The following RAB40C variants were observed in gnomAD, a reference collection of about 807,000 sequenced individuals.
The protein encoded by RAB40C is ras-related protein Rab-40C.
RAB40C carries 8 observed loss-of-function variants against 28.1 expected under a neutral mutation model. The observed-to-expected ratio is 0.28, with a 90% confidence interval of 0.17 to 0.51. The LOEUF is 0.51. Ranked by LOEUF, RAB40C falls within the 20% of genes least tolerant of loss-of-function variation. RAB40C has a pLI of 0.97. For synonymous variants in RAB40C, 201 were observed against 171.7 expected (o/e 1.17, Z -1.34); for missense variants, 288 against 405.9 (o/e 0.71, Z 2.50).
chr16:597,557 C>T (rs1025125914), intron 1 of RAB40C, among the ~76,000 whole-genome samples: 3 of 151,034 alleles, frequency 2.0e-5, no homozygotes, highest in Admixed American at 6.6e-5. Context: ...TATCTTGGCT[C>T]GCTGCAACCT....
chr16:627,953 T>A lies in RAB40C; in HGVS notation c.*331T>A. The A allele has an allele frequency of 3.6e-6, 1 of 280,678 alleles. No individual in the cohort carries two copies. Among genetic ancestry groups the A allele is most frequent in the Non-Finnish European group, 6.6e-6 (1 of 151,002 alleles). The allele number at this position is 280,678 out of a possible 1,614,324, so 17.4% of individuals were successfully genotyped here. ...GAGAACACTTCACTTTTTTGTACAT[T>A]TTTAAGGGGCCTTCAGGGAAGCCTG... On this transcript the variant is annotated 3_prime_UTR_variant, in exon 6 of 6. Transcript: ENST00000248139.
chr16:596,951 G>A (rs2036139904), intron 1 of RAB40C, among the ~76,000 whole-genome samples: 1 of 152,222 alleles, frequency 6.6e-6, no homozygotes, highest in Non-Finnish European at 1.5e-5. Context: ...TCAGGATTTT[G>A]AGTAAAGCAG....
intron 1 of RAB40C, among the ~76,000 whole-genome samples, chr16:613,421 C>T (rs1286023024): frequency 3.9e-5 from 6 of 152,238 alleles, no homozygotes; most frequent in South Asian, 2.1e-4. Context: ...GCAGGACTGC[C>T]GCCCTGGCCG....
intron 1 of RAB40C, among the ~76,000 whole-genome samples, chr16:602,163 C>T (rs1300932504): frequency 6.6e-6 from 1 of 150,912 alleles, no homozygotes; most frequent in Non-Finnish European, 1.5e-5. Flanking sequence ...AATGATTATT[C>T]AATGAAGTGT....
intron 1 of RAB40C, among the ~76,000 whole-genome samples, chr16:607,804 A>G (rs1207926881): frequency 1.3e-5 from 2 of 152,220 alleles, no homozygotes; most frequent in Non-Finnish European, 2.9e-5. Flanking sequence ...AACGAAAAGA[A>G]AAGAAAAGAA....
chr16:600,575 A>T (rs1567185568), intron 1 of RAB40C, among the ~76,000 whole-genome samples: 1 of 152,004 alleles, frequency 6.6e-6, no homozygotes, highest in Non-Finnish European at 1.5e-5. Flanking sequence ...ACATGGTGAA[A>T]CCCCGTCTCT....
In RAB40C at chr16:614,579, C is replaced by T. The variant is rs553394416; in HGVS notation, c.143-2629C>T. On this transcript the variant is annotated intron_variant, in intron 1 of 5. Transcript: ENST00000248139. Reference sequence around the variant, plus strand: ...CCGATGGTGAACTGCCTAACTCTACCGCATCCCGATGGTGAACTGCCTAAC... The same window carrying T: ...CCGATGGTGAACTGCCTAACTCTACTGCATCCCGATGGTGAACTGCCTAAC... 3.3e-4 allele frequency among the ~76,000 whole-genome samples: 44 copies of T among 134,432 alleles called. No individual in the cohort carries two copies. The East Asian group carries it at 7.0e-3, about 22-fold the overall frequency. 88.2% of individuals were successfully genotyped at this position (134,432 alleles called of 152,430 possible). A position where few individuals can be genotyped will look rare whatever the true frequency, so the allele number is the denominator to read the frequency against.
At chr16:596,357 G>T in intron 1 of RAB40C, 1 of 456,074 alleles carries the variant, frequency 2.2e-6, no homozygotes, top group Non-Finnish European at 4.4e-6. Context: ...TCCCTGAAAA[G>T]CTGCCGCCTA....
At chr16:609,311 G>C (rs569383095) in intron 1 of RAB40C, among the ~76,000 whole-genome samples, 1 of 152,052 alleles carries the variant, frequency 6.6e-6, no homozygotes, top group Non-Finnish European at 1.5e-5. Flanking sequence ...AAATTGAGTC[G>C]TGGACAGCAG....
rs1032931387 is a variant in RAB40C at position 623,935 on chromosome 16, C to CA, written c.265-1488dup. 1.6e-3 allele frequency: 1,550 copies of CA among 971,046 alleles called. 3 individuals are homozygous for CA. The highest frequency in any genetic ancestry group is 1.8e-3 in the Non-Finnish European group (1,482 of 817,720). 60.2% of individuals were successfully genotyped at this position (971,046 alleles called of 1,614,324 possible). Reference sequence around the variant, plus strand: ...TGGCTGACAGAGTGAGACCCTGTTTCAAAAAAAAAGAAAATGCCATCCGCA... The same window carrying CA: ...TGGCTGACAGAGTGAGACCCTGTTTCAAAAAAAAAAGAAAATGCCATCCGCA... On this transcript the variant is annotated intron_variant, in intron 3 of 5. Transcript: ENST00000248139.
intron 1 of RAB40C, among the ~76,000 whole-genome samples, chr16:602,398 G>C (rs2036271869): frequency 6.6e-6 from 1 of 151,728 alleles, no homozygotes; most frequent in African/African-American, 2.4e-5. Context: ...AAGACCATAG[G>C]CATGCACCAC....
At chr16:590,061 GT>G, upstream of RAB40C, 1 of 153,668 alleles carries the variant, frequency 6.5e-6, no homozygotes, top group African/African-American at 2.4e-5. Flanking sequence ...GCGGCCGGGG[GT>G]GGGGCGGCGC....
At chr16:624,317 A>C (rs1052280975) in intron 3 of RAB40C, 1 of 985,292 alleles carries the variant, frequency 1.0e-6, no homozygotes, top group Non-Finnish European at 1.2e-6. Context: ...CTGTGCCCCA[A>C]CCTCCAGGGT....
At chr16:606,953 C>T (rs2036372357) in intron 1 of RAB40C, among the ~76,000 whole-genome samples, 1 of 152,334 alleles carries the variant, frequency 6.6e-6, no homozygotes, top group East Asian at 1.9e-4. Context: ...CTGCACTGTG[C>T]CCTGCAGGAA....
intron 1 of RAB40C, among the ~76,000 whole-genome samples, chr16:604,187 T>A (rs1161626475): frequency 3.9e-5 from 6 of 152,042 alleles, no homozygotes; most frequent in Non-Finnish European, 8.8e-5. Context: ...CCCTAGCAGC[T>A]GGGACTACAG....
chr16:604,791 G>T (rs891264037), intron 1 of RAB40C, among the ~76,000 whole-genome samples: 1 of 152,162 alleles, frequency 6.6e-6, no homozygotes, highest in African/African-American at 2.4e-5. Flanking sequence ...TGGGTGTGGT[G>T]GCTCATGCCT....
At chr16:597,552 T>A (rs1567184332) in intron 1 of RAB40C, among the ~76,000 whole-genome samples, 1 of 151,824 alleles carries the variant, frequency 6.6e-6, no homozygotes, top group Non-Finnish European at 1.5e-5. Flanking sequence ...GGCACTATCT[T>A]GGCTCGCTGC....
At chr16:603,652 C>G (rs906637135) in intron 1 of RAB40C, among the ~76,000 whole-genome samples, 1 of 151,754 alleles carries the variant, frequency 6.6e-6, no homozygotes, top group Non-Finnish European at 1.5e-5. Context: ...ATAAATGTAC[C>G]CTCTTTGCAT....
At chr16:623,132 G>C (rs894546067) in intron 3 of RAB40C, among the ~76,000 whole-genome samples, 3 of 152,140 alleles carry the variant, frequency 2.0e-5, no homozygotes, top group Non-Finnish European at 4.4e-5. Context: ...TGTGGCCAGG[G>C]CCCCCCGCGT....
Sources: gnomAD v4.1 joint callset for allele counts (sites outside exome capture counted in the v4.1 genomes callset) on GRCh38, gnomAD v4.1.1 for gene constraint, MANE v1.5 for transcripts, NCBI Gene and HGNC (gene_info 2026-07-23, HGNC 2026-07-21) for gene names.